Variants in COL6A3 observed in about 807,000 individuals in gnomAD.
COL6A3 encodes the protein collagen type VI alpha 3 chain.
A neutral mutation model predicts 274.1 loss-of-function variants in COL6A3; 137 were observed. That is an observed-to-expected ratio of 0.50 (90% CI 0.44 to 0.58). The LOEUF (loss-of-function observed/expected upper bound fraction) is 0.58, where lower values mean the gene tolerates loss of function less well. COL6A3 is among the 20% of genes least tolerant of loss of function. The pLI is 0.00. For missense variants in COL6A3, 3,950 were observed against 4,124.9 expected, an observed-to-expected ratio of 0.96 and a Z score of 1.16; for synonymous variants, 1,650 against 1,650.6, an observed-to-expected ratio of 1.00 and a Z score of 0.01.
intron 3 of COL6A3, among the ~76,000 whole-genome samples, chr2:237,388,476 C>A (rs186821037): frequency 1.6e-4 from 24 of 152,094 alleles, no homozygotes; most frequent in Non-Finnish European, 2.4e-4. Context: ...TCTGAGGGGA[C>A]AATCTTGGGT....
intron 3 of COL6A3, 67 bp downstream of exon 3, chr2:237,394,520 C>T (rs964253817): frequency 1.9e-6 from 3 of 1,607,672 alleles, no homozygotes; most frequent in Non-Finnish European, 2.6e-6. Flanking sequence ...GCTTTAAGGC[C>T]AGCAGTTGCC....
intron 41 of COL6A3, 31 bp downstream of exon 41, chr2:237,334,595 A>G (rs1353564996): frequency 8.7e-6 from 14 of 1,608,478 alleles, no homozygotes; most frequent in Non-Finnish European, 1.1e-5. Flanking sequence ...CATAGAAATC[A>G]GGTACCGACT....
At chr2:237,356,113 T>G (rs2077311511) in intron 23 of COL6A3, among the ~76,000 whole-genome samples, 1 of 152,228 alleles carries the variant, frequency 6.6e-6, no homozygotes, top group East Asian at 1.9e-4. Flanking sequence ...AGCCCGTGAC[T>G]GAAACCGAAT....
In COL6A3 at chr2:237,389,212, A is replaced by C. The variant is rs116725042; in HGVS notation, c.710-1028T>G. Reference sequence around the variant, plus strand: ...CGGGGTTATATAGCAGCCCTGAGGGAGGAATAGGGATCGAGAAATCTAAAA... The same window carrying C: ...CGGGGTTATATAGCAGCCCTGAGGGCGGAATAGGGATCGAGAAATCTAAAA... On this transcript the variant is annotated intron_variant, in intron 3 of 43. Transcript: ENST00000295550. Among the ~76,000 whole-genome samples, 1,365 of 152,270 alleles carry C rather than the reference A, an allele frequency of 9.0e-3. 18 individuals are homozygous for C. The highest frequency in any genetic ancestry group is 0.031 in the African/African-American group (1,303 of 41,534).
At chr2:237,324,918 A>T in intron 43 of COL6A3, 104 bp from the exon 44 acceptor site, 14 of 1,151,310 alleles carry the variant, frequency 1.2e-5, no homozygotes, top group Non-Finnish European at 1.7e-5. Context: ...ATCATGACAC[A>T]GTCCCGCAGC....
At chr2:237,350,279 T>C in intron 27 of COL6A3, 70 bp from the exon 28 acceptor site, 1 of 1,473,154 alleles carries the variant, frequency 6.8e-7, no homozygotes, top group Non-Finnish European at 9.5e-7. Flanking sequence ...CAAGCCATGC[T>C]TTTGCTCTAG....
At chr2:237,353,026 A>C (rs1453420783) in intron 25 of COL6A3, among the ~76,000 whole-genome samples, 1 of 152,220 alleles carries the variant, frequency 6.6e-6, no homozygotes, top group African/African-American at 2.4e-5. Flanking sequence ...ACACACACAA[A>C]GCTGCCTAGT....
rs1334150464 is a variant in COL6A3 at position 237,350,203 on chromosome 2, G to T, written c.6823C>A (p.Pro2275Thr). The change falls in exon 28 of 44, where the codon CCC (proline) becomes ACC (threonine). Residue 2275 changes from proline to threonine, a missense_variant. This residue lies in a region of COL6A3 where 1,284 missense variants were observed against 1,349.7 expected (regional missense o/e 0.95). Transcript: ENST00000295550. Reference sequence around the variant, plus strand: ...CCTCCTTTTGGTCCTGGCTCTCCGGGCTCACCCTAGACATGAGAAACATGG... The same window carrying T: ...CCTCCTTTTGGTCCTGGCTCTCCGGTCTCACCCTAGACATGAGAAACATGG... ...RTGPLGRKGEPGEPGPKGGIG... is the reference protein window; with the variant it reads ...RTGPLGRKGETGEPGPKGGIG... The T allele has an allele frequency of 6.2e-7, 1 of 1,614,052 alleles. No individual in the cohort carries two copies. The highest frequency in any genetic ancestry group is 8.5e-7 in the Non-Finnish European group (1 of 1,179,960).
At chr2:237,332,102 T>TA (rs1338570782) in intron 42 of COL6A3, among the ~76,000 whole-genome samples, 3 of 43,892 alleles carry the variant, frequency 6.8e-5, no homozygotes, top group Non-Finnish European at 1.3e-4. Flanking sequence ...TATATATATA[T>TA]ATATATATAT....
In COL6A3 at chr2:237,340,636, C is replaced by A. The variant is rs757988361; in HGVS notation, c.8280G>T (p.Leu2760=). ...QQLEEAQRVI[L]QAKCKGYFFV... is the part of the protein sequence containing the mutation. ...AGAAGTAGCCCTTGCATTTGGCCTG[C>A]AGGATGACTCTCTGGGCCTCCTCCA... Residue 2760 remains leucine (L), a synonymous_variant, in exon 38 of 44, where the codon CTG becomes CTT. Coordinates refer to ENST00000295550, the MANE Select transcript of COL6A3 (RefSeq NM_004369.4). 1 of 1,614,186 alleles carries A rather than the reference C, an allele frequency of 6.2e-7. No homozygotes were observed. The highest frequency in any genetic ancestry group is 1.3e-5 in the African/African-American group (1 of 75,040).
At position 237,408,981 on chromosome 2, in the gene COL6A3, T is replaced by A. The variant is rs550652661; in HGVS notation, c.-31+4972A>T. 2.5e-4 allele frequency among the ~76,000 whole-genome samples: 38 copies of A among 152,324 alleles called. 1 individual carries two copies. Among genetic ancestry groups the A allele is most frequent in the South Asian group, 8.3e-4 (4 of 4,830 alleles). On this transcript the variant is annotated intron_variant, in intron 1 of 43. Transcript: ENST00000295550. The stretch of plus-strand genomic sequence containing the variant: ...AAGACTGGGAATGGGAAGAGTACCT[T>A]TCTCCACATGGCACCCTAAAATACA...
intron 1 of COL6A3, among the ~76,000 whole-genome samples, chr2:237,398,179 C>T (rs1371567723): frequency 1.2e-4 from 18 of 152,244 alleles, no homozygotes; most frequent in Admixed American, 9.2e-4. Context: ...CAAGGAAAAT[C>T]TGCCATATGC....
chr2:237,351,786 C>T (rs931668601), intron 26 of COL6A3, among the ~76,000 whole-genome samples: 1 of 152,198 alleles, frequency 6.6e-6, no homozygotes, highest in African/African-American at 2.4e-5. Context: ...TTTTTAAAAA[C>T]GTCTAAAGAT....
At chr2:237,397,516 CAAGGTGGG>C (rs2078481808) in intron 1 of COL6A3, among the ~76,000 whole-genome samples, 1 of 151,160 alleles carries the variant, frequency 6.6e-6, no homozygotes, top group African/African-American at 2.4e-5. Context: ...AGGGAGGAGG[CAAGGTGGG>C]AAGGTGGGAG....
Position 237,388,234 on chromosome 2 carries a change from C to T in COL6A3, c.710-50G>A, listed in dbSNP as rs535613269. 4.3e-5 allele frequency: 70 copies of T among 1,610,874 alleles called. No homozygotes were observed. The South Asian group carries it at 7.3e-4, about 17-fold the overall frequency. ...ATGTGAAAGCATTAGAACAAGTGACCACATGCATTATTCAGTGTTCTGACA... is the reference window on the plus strand; with the variant it reads ...ATGTGAAAGCATTAGAACAAGTGACTACATGCATTATTCAGTGTTCTGACA... On this transcript the variant is annotated intron_variant, in intron 3 of 43. Coordinates refer to ENST00000295550, the MANE Select transcript of COL6A3 (RefSeq NM_004369.4).
chr2:237,384,635 G>C (rs2078099408), intron 4 of COL6A3, among the ~76,000 whole-genome samples: 1 of 152,018 alleles, frequency 6.6e-6, no homozygotes, highest in South Asian at 2.1e-4. Context: ...ATGCCTCCTT[G>C]GGAAGTTGGC....
In COL6A3 at chr2:237,381,219, A is replaced by G. The variant is rs781708996; in HGVS notation, c.1593T>C (p.Phe531=). ...AACTCGTGAATAGGTTGTTACGAACAAAGTCTAGAGCAGAGCCCGTGTACA... is the reference window on the plus strand; with the variant it reads ...AACTCGTGAATAGGTTGTTACGAACGAAGTCTAGAGCAGAGCCCGTGTACA... ...SALYTGSALD[F]VRNNLFTSSA... is the part of the protein sequence containing the mutation. Residue 531 remains phenylalanine (F), a synonymous_variant, in exon 5 of 44, where the codon TTT becomes TTC. Coordinates refer to ENST00000295550, the MANE Select transcript of COL6A3 (RefSeq NM_004369.4). The G allele has an allele frequency of 1.5e-5, 25 of 1,614,142 alleles. No homozygotes were observed. In the East Asian group the frequency reaches 5.3e-4, roughly 35 times the overall value.
At chr2:237,381,579 C>T (rs2078007812) in intron 4 of COL6A3, 80 bp from the exon 5 acceptor site, 2 of 1,179,120 alleles carry the variant, frequency 1.7e-6, no homozygotes, top group African/African-American at 3.0e-5. Flanking sequence ...AAGCTAACTC[C>T]ATTTAAAGGA....
At chr2:237,408,727 C>G (rs1379269489) in intron 1 of COL6A3, among the ~76,000 whole-genome samples, 1 of 152,166 alleles carries the variant, frequency 6.6e-6, no homozygotes, top group Non-Finnish European at 1.5e-5. Context: ...TGGCCACTTG[C>G]AATTCTCAAA....
Sources: gnomAD v4.1 joint callset for allele counts (sites outside exome capture counted in the v4.1 genomes callset) on GRCh38, gnomAD v4.1.1 for gene constraint, gnomAD v4.1.1 regional missense constraint, MANE v1.5 for transcripts, NCBI Gene and HGNC (gene_info 2026-07-23, HGNC 2026-07-21) for gene names.